Variants in CCDC18 observed in about 807,000 individuals in gnomAD.
CCDC18 encodes the protein coiled-coil domain containing 18, also known as coiled-coil domain-containing protein 18.
Under a neutral mutation model 196.0 loss-of-function variants are expected in CCDC18, and 157 were observed. The observed-to-expected ratio is 0.80, with a 90% CI of 0.70 to 0.91. CCDC18 has a LOEUF of 0.91. Ranked by LOEUF, CCDC18 falls within the 40% of genes least tolerant of loss-of-function variation. CCDC18 has a pLI of 0.00. For missense variants in CCDC18, 1,465 were observed against 1,611.6 expected, an observed-to-expected ratio of 0.91 and a Z score of 1.56; for synonymous variants, 482 against 529.2, an observed-to-expected ratio of 0.91 and a Z score of 1.22.
intron 9 of CCDC18, among the ~76,000 whole-genome samples, chr1:93,210,099 G>A (rs1655360620): frequency 6.6e-6 from 1 of 152,124 alleles, no homozygotes; most frequent in Admixed American, 6.5e-5. Flanking sequence ...ATGTGGTAAT[G>A]TATGCTTGAT....
intron 10 of CCDC18, among the ~76,000 whole-genome samples, chr1:93,211,692 T>C (rs1388494710): frequency 6.6e-6 from 1 of 152,212 alleles, no homozygotes; most frequent in African/African-American, 2.4e-5. Flanking sequence ...TAATTACTTT[T>C]AATAGCTGTA....
At position 93,183,393 on chromosome 1, in the gene CCDC18, A is replaced by G; in HGVS notation, c.32A>G (p.Lys11Arg). MESSSSDYYN[K>R]DNEEESLLAN... is the part of the protein sequence containing the mutation. ...TCTAGTTCATCAGACTACTATAATAAAGACAATGAAGAGGAAAGTTTGCTT... is the reference window on the plus strand; with the variant it reads ...TCTAGTTCATCAGACTACTATAATAGAGACAATGAAGAGGAAAGTTTGCTT... Residue 11 changes from lysine to arginine, a missense_variant, in exon 2 of 29, where the codon AAA becomes AGA. Transcript: ENST00000690025. The G allele has an allele frequency of 5.0e-6, 8 of 1,599,602 alleles. No individual in the cohort carries two copies. The highest frequency in any genetic ancestry group is 6.0e-6 in the Non-Finnish European group (7 of 1,169,998).
intron 1 of CCDC18, among the ~76,000 whole-genome samples, chr1:93,181,337 A>G (rs1649646420): frequency 6.6e-6 from 1 of 151,936 alleles, no homozygotes; most frequent in African/African-American, 2.4e-5. Flanking sequence ...ATTGTATCAC[A>G]TACATAGGGT....
intron 8 of CCDC18, among the ~76,000 whole-genome samples, chr1:93,206,193 G>A (rs1571418038): frequency 6.6e-6 from 1 of 152,072 alleles, no homozygotes; most frequent in Non-Finnish European, 1.5e-5. Context: ...AAAAAAAAGG[G>A]GGAGCAGGAA....
chr1:93,256,418 G>A lies in CCDC18; in HGVS notation c.3426G>A (p.Glu1142=), dbSNP rs372424185. 2.4e-5 allele frequency: 39 copies of A among 1,613,976 alleles called. 1 individual carries two copies. The African/African-American group carries it at 3.6e-4, about 15-fold the overall frequency. The change falls in exon 25 of 29, where the codon GAG becomes GAA. Residue 1142 remains glutamate, a synonymous_variant. Transcript: ENST00000690025. Reference sequence around the variant, plus strand: ...GGCAAGAATTGAGGCTGACCCGGGAGCAGGTGCAGAACTCTCATACAGAAT... The same window carrying A: ...GGCAAGAATTGAGGCTGACCCGGGAACAGGTGCAGAACTCTCATACAGAAT... The part of the protein sequence containing the change: ...DLGQELRLTR[E]QVQNSHTELA...
intron 14 of CCDC18, among the ~76,000 whole-genome samples, chr1:93,219,008 A>G (rs1381857972): frequency 2.0e-5 from 3 of 152,168 alleles, no homozygotes; most frequent in Non-Finnish European, 4.4e-5. Context: ...TAACCCTATT[A>G]TTGAATCTGT....
chr1:93,243,837 T>C (rs1369745471), intron 21 of CCDC18, among the ~76,000 whole-genome samples: 2 of 152,220 alleles, frequency 1.3e-5, no homozygotes, highest in Non-Finnish European at 2.9e-5. Context: ...ATTGTCCATA[T>C]TGCTATCAGA....
intron 11 of CCDC18, among the ~76,000 whole-genome samples, chr1:93,214,271 GGAGA>G (rs1656138830): frequency 6.6e-6 from 1 of 152,076 alleles, no homozygotes. Context: ...TAGCTAGTTT[GGAGA>G]GAAAGACGAT....
At chr1:93,232,707 G>A (rs1047690895) in intron 18 of CCDC18, 114 bp downstream of exon 18, 36 of 775,808 alleles carry the variant, frequency 4.6e-5, no homozygotes, top group Middle Eastern at 4.1e-4. Context: ...GCCGTGGCTC[G>A]TGCCCATAAT....
intron 21 of CCDC18, among the ~76,000 whole-genome samples, chr1:93,244,411 T>G (rs895767992): frequency 2.0e-5 from 3 of 152,234 alleles, no homozygotes; most frequent in African/African-American, 4.8e-5. Flanking sequence ...AATGAACTAC[T>G]GATACATGGT....
intron 3 of CCDC18, among the ~76,000 whole-genome samples, chr1:93,185,641 G>A (rs140583424): frequency 0.012 from 1,757 of 151,952 alleles, 35 homozygotes; most frequent in African/African-American, 0.039. Flanking sequence ...GGAGAGGAGG[G>A]AAGTGGGTAA....
intron 1 of CCDC18, among the ~76,000 whole-genome samples, chr1:93,181,123 C>T (rs1649558370): frequency 1.5e-5 from 2 of 136,778 alleles, no homozygotes; most frequent in South Asian, 4.6e-4. Context: ...TCGAGGCCAG[C>T]CTTGGCAATA....
chr1:93,194,268 G>A (rs1280376900), intron 6 of CCDC18, among the ~76,000 whole-genome samples: 2 of 152,082 alleles, frequency 1.3e-5, no homozygotes, highest in Non-Finnish European at 1.5e-5. Context: ...AAGTAGCTCT[G>A]TCCAAGGAAC....
intron 23 of CCDC18, among the ~76,000 whole-genome samples, chr1:93,248,312 C>G (rs1050385878): frequency 1.3e-5 from 2 of 152,082 alleles, no homozygotes; most frequent in Admixed American, 1.3e-4. Flanking sequence ...CTGCGCCCAG[C>G]CTGTTATTTT....
intron 19 of CCDC18, among the ~76,000 whole-genome samples, chr1:93,237,386 C>T (rs1401415848): frequency 6.6e-6 from 1 of 152,094 alleles, no homozygotes; most frequent in African/African-American, 2.4e-5. Context: ...TCCAGGTCAG[C>T]TCTCATATCT....
chr1:93,180,921 C>G (rs1557587616), intron 1 of CCDC18, 69 bp downstream of exon 1: 1 of 1,336,476 alleles, frequency 7.5e-7, no homozygotes, highest in South Asian at 1.1e-5. Context: ...ACCGGCTTAC[C>G]TGGGGGAGTT....
intron 5 of CCDC18, 73 bp from the exon 6 acceptor site, chr1:93,193,543 A>C (rs1258460419): frequency 2.1e-6 from 2 of 955,538 alleles, no homozygotes; most frequent in African/African-American, 1.7e-5. Context: ...TATAATTCCT[A>C]ATATTAAATT....
rs977665614 is a variant in CCDC18, at chr1:93,278,676, G to T, written c.*199G>T. 2.5e-5 allele frequency: 8 copies of T among 323,274 alleles called. No individual in the cohort carries two copies. Among genetic ancestry groups the T allele is most frequent in the Non-Finnish European group, 3.8e-5 (7 of 182,532 alleles). The allele number at this position is 323,274 out of a possible 1,614,324, so 20.0% of individuals were successfully genotyped here. On this transcript the variant is annotated 3_prime_UTR_variant, in exon 29 of 29. Transcript: ENST00000690025. ...TTATTATTTTATTTATTGTTTTTTG[G>T]CTTAAACTTGCTGCTTTCTTTTGCT... is the stretch of plus-strand genomic sequence containing the variant.
intron 6 of CCDC18, chr1:93,199,692 TGGA>T (rs1377176403): frequency 3.9e-5 from 6 of 152,310 alleles, no homozygotes; most frequent in African/African-American, 1.4e-4. Context: ...AGCAAACAAG[TGGA>T]GGGTGAGCAA....
Sources: gnomAD v4.1 joint callset for allele counts (sites outside exome capture counted in the v4.1 genomes callset) on GRCh38, gnomAD v4.1.1 for gene constraint, MANE v1.5 for transcripts, NCBI Gene and HGNC (gene_info 2026-07-23, HGNC 2026-07-21) for gene names.